The following ATRNL1 variants were observed in gnomAD, a reference collection of about 807,000 sequenced individuals.
ATRNL1 encodes attractin like 1, also known as attractin-like protein 1.
In ATRNL1, 95 loss-of-function variants were observed where a neutral mutation model predicts 182.7. That is an observed-to-expected ratio of 0.52 (90% CI 0.44 to 0.62). The LOEUF is 0.62. Among genes scored for constraint, ATRNL1 ranks in the 20% least tolerant of loss-of-function variants. ATRNL1 has a pLI of 0.00. For missense variants in ATRNL1, 1,471 were observed against 1,679.5 expected (o/e 0.88, Z 2.17); for synonymous variants, 576 against 568.3 (o/e 1.01, Z -0.19).
chr10:115,566,329 G>A lies in ATRNL1; in HGVS notation c.3795+16793G>A, dbSNP rs1302060698. On this transcript the variant is annotated intron_variant, in intron 26 of 28. Transcript: ENST00000355044. Reference sequence around the variant, plus strand: ...ATTTAACATGAAACACGTATCTCCTGTAGATGTGGACAATTTATTATTACT... The same window carrying A: ...ATTTAACATGAAACACGTATCTCCTATAGATGTGGACAATTTATTATTACT... Among the ~76,000 whole-genome samples, 7 of 152,120 alleles carry A rather than the reference G, an allele frequency of 4.6e-5. 1 individual carries two copies. The highest frequency in any genetic ancestry group is 1.7e-4 in the African/African-American group (7 of 41,436).
At chr10:115,934,447 G>C (rs1439794828) in intron 28 of ATRNL1, among the ~76,000 whole-genome samples, 1 of 152,042 alleles carries the variant, frequency 6.6e-6, no homozygotes, top group Non-Finnish European at 1.5e-5. Flanking sequence ...TGACCTGCAG[G>C]TCACCAAATT....
chr10:115,889,610 A>G (rs1765444184), intron 28 of ATRNL1, among the ~76,000 whole-genome samples: 1 of 152,226 alleles, frequency 6.6e-6, no homozygotes, highest in South Asian at 2.1e-4. Context: ...ACTGCTATAC[A>G]GTCATTCTTT....
chr10:115,500,876 G>A (rs1370838302), intron 24 of ATRNL1, among the ~76,000 whole-genome samples: 8 of 146,898 alleles, frequency 5.4e-5, no homozygotes, highest in African/African-American at 1.8e-4. Flanking sequence ...CTTTTAAATT[G>A]GCTTTGATGG....
intron 13 of ATRNL1, among the ~76,000 whole-genome samples, chr10:115,269,974 A>G (rs1554912303): frequency 2.0e-5 from 3 of 151,978 alleles, no homozygotes; most frequent in African/African-American, 4.8e-5. Context: ...CTGTTGTTAT[A>G]TACTTTCCAG....
intron 27 of ATRNL1, among the ~76,000 whole-genome samples, chr10:115,783,633 A>T (rs1169290762): frequency 6.6e-6 from 1 of 152,210 alleles, no homozygotes; most frequent in Non-Finnish European, 1.5e-5. Context: ...ATTTAAGCTC[A>T]TAGAATAGTT....
chr10:115,384,576 G>C (rs564852978), intron 19 of ATRNL1, among the ~76,000 whole-genome samples: 1 of 151,990 alleles, frequency 6.6e-6, no homozygotes, highest in South Asian at 2.1e-4. Context: ...CTGTATTCCA[G>C]TAGAACTTAT....
At chr10:115,366,617 T>C (rs1420600894) in intron 19 of ATRNL1, among the ~76,000 whole-genome samples, 1 of 150,090 alleles carries the variant, frequency 6.7e-6, no homozygotes, top group Non-Finnish European at 1.5e-5. Flanking sequence ...CTAGTCTCGA[T>C]GGTCTTTACA....
At chr10:115,364,339 A>G in intron 19 of ATRNL1, among the ~76,000 whole-genome samples, 1 of 134,046 alleles carries the variant, frequency 7.5e-6, no homozygotes, top group South Asian at 2.7e-4. Context: ...TTGGTGTATA[A>G]GAATGCTTGT....
intron 9 of ATRNL1, among the ~76,000 whole-genome samples, chr10:115,235,558 A>G (rs950430956): frequency 6.6e-6 from 1 of 151,948 alleles, no homozygotes. Flanking sequence ...TATACCATAT[A>G]TCAGTGCTTC....
At chr10:115,490,814 T>A (rs868961932) in intron 24 of ATRNL1, among the ~76,000 whole-genome samples, 2 of 152,090 alleles carry the variant, frequency 1.3e-5, no homozygotes, top group South Asian at 4.1e-4. Context: ...AGGTGTTCTG[T>A]TTTTTGGAAT....
chr10:115,899,317 G>A (rs1952290699), intron 28 of ATRNL1, among the ~76,000 whole-genome samples: 2 of 152,048 alleles, frequency 1.3e-5, no homozygotes, highest in African/African-American at 2.4e-5. Context: ...TGTTGTTGTT[G>A]TTGTTTTTGA....
chr10:115,524,412 ACT>A lies in ATRNL1; in HGVS notation c.3716+5091_3716+5092del, dbSNP rs781947758. ...TTGAAAAGAATAATTTTTTAAATAA[ACT>A]CTTCTTGTGTGTAAAATGGAAAAGT... On this transcript the variant is annotated intron_variant, in intron 25 of 28. Coordinates refer to ENST00000355044, the MANE Select transcript of ATRNL1 (RefSeq NM_207303.4). 5.3e-4 allele frequency among the ~76,000 whole-genome samples: 81 copies of A among 152,310 alleles called. 1 individual carries two copies. The East Asian group carries it at 0.012, about 22-fold the overall frequency.
At chr10:115,219,475 A>G (rs1554896927) in intron 9 of ATRNL1, among the ~76,000 whole-genome samples, 1 of 152,182 alleles carries the variant, frequency 6.6e-6, no homozygotes, top group Non-Finnish European at 1.5e-5. Flanking sequence ...CAGTAAAACC[A>G]GAAAGCTGCC....
chr10:115,147,499 T>C (rs549297959), intron 5 of ATRNL1, among the ~76,000 whole-genome samples: 1 of 152,332 alleles, frequency 6.6e-6, no homozygotes, highest in Admixed American at 6.5e-5. Flanking sequence ...ATTTTTATTT[T>C]TGTTGCCTGT....
At chr10:115,706,123 C>G (rs1317176555) in intron 26 of ATRNL1, among the ~76,000 whole-genome samples, 3 of 151,810 alleles carry the variant, frequency 2.0e-5, no homozygotes, top group African/African-American at 7.2e-5. Flanking sequence ...TTAGTCCTAC[C>G]CTGCTGAAAT....
intron 10 of ATRNL1, among the ~76,000 whole-genome samples, chr10:115,254,733 T>C (rs1490963354): frequency 3.3e-5 from 5 of 152,228 alleles, no homozygotes; most frequent in Non-Finnish European, 7.3e-5. Flanking sequence ...TGAATGGTAT[T>C]GCCTAGGTTC....
intron 24 of ATRNL1, among the ~76,000 whole-genome samples, chr10:115,499,751 A>G (rs1301385282): frequency 6.6e-6 from 1 of 152,160 alleles, no homozygotes; most frequent in Non-Finnish European, 1.5e-5. Flanking sequence ...TCAGATATGC[A>G]TTTATCTTAG....
chr10:115,837,741 G>A (rs748029764), intron 27 of ATRNL1, among the ~76,000 whole-genome samples: 8 of 152,044 alleles, frequency 5.3e-5, no homozygotes, highest in Non-Finnish European at 7.4e-5. Context: ...TAGAATACTC[G>A]TGCCATACTT....
In ATRNL1 at chr10:115,239,545, T is replaced by C. The variant is rs1592307565; in HGVS notation, c.1533-2026T>C. 2.6e-5 allele frequency among the ~76,000 whole-genome samples: 4 copies of C among 152,246 alleles called. No homozygotes were observed. In the South Asian group the frequency reaches 8.3e-4, roughly 32 times the overall value. On this transcript the variant is annotated intron_variant, in intron 9 of 28. Transcript: ENST00000355044. ...CGCGCCCGGCCGGGGCTGTATTTTT[T>C]CTTAGCCTACCTCTCCTCCTGGGGA... is the stretch of plus-strand genomic sequence containing the variant.
Sources: allele counts gnomAD v4.1 joint callset (sites outside exome capture counted in the v4.1 genomes callset), GRCh38; gene constraint gnomAD v4.1.1; transcripts MANE v1.5; gene names NCBI Gene and HGNC (gene_info 2026-07-23, HGNC 2026-07-21).